GRHL2: variants seen among roughly 807,000 people sequenced by gnomAD.
GRHL2 encodes the protein grainyhead-like protein 2 homolog.
In GRHL2, 21 loss-of-function variants were observed where a neutral mutation model predicts 83.8. The ratio of observed to expected loss-of-function variants is 0.25; its 90% CI spans 0.18 to 0.36. The LOEUF is 0.36. Ranked by LOEUF, GRHL2 falls within the 10% of genes least tolerant of loss-of-function variation. GRHL2 has a pLI of 1.00. For missense variants in GRHL2, 623 were observed against 781.8 expected (o/e 0.80, Z 2.42); for synonymous variants, 280 against 278.9 (o/e 1.00, Z -0.04).
At chr8:101,662,109 AT>A (rs745623671) in intron 14 of GRHL2, among the ~76,000 whole-genome samples, 23 of 152,188 alleles carry the variant, frequency 1.5e-4, no homozygotes, top group Non-Finnish European at 3.1e-4. Flanking sequence ...GTATATCAGA[AT>A]TTTGCATGCG....
At chr8:101,655,746 A>G (rs1813771961) in intron 14 of GRHL2, among the ~76,000 whole-genome samples, 1 of 152,222 alleles carries the variant, frequency 6.6e-6, no homozygotes. Flanking sequence ...TGATGATTCA[A>G]TTTGGCTTCT....
At chr8:101,516,696 C>T (rs373809177) in intron 1 of GRHL2, among the ~76,000 whole-genome samples, 7 of 152,146 alleles carry the variant, frequency 4.6e-5, no homozygotes, top group South Asian at 4.1e-4. Context: ...CATGAGCCAC[C>T]GCACCCGGAC....
intron 14 of GRHL2, among the ~76,000 whole-genome samples, chr8:101,653,634 T>TAA (rs886610080): frequency 3.9e-4 from 59 of 151,854 alleles, no homozygotes; most frequent in African/African-American, 1.4e-3. Flanking sequence ...CCCAGCCACT[T>TAA]AAGAGGCTGG....
chr8:101,563,111 A>C (rs140096605), intron 4 of GRHL2, among the ~76,000 whole-genome samples: 1 of 152,214 alleles, frequency 6.6e-6, no homozygotes, highest in Non-Finnish European at 1.5e-5. Flanking sequence ...TATTATTGTC[A>C]TCTCTATATT....
chr8:101,499,682 T>C (rs1456403663), intron 1 of GRHL2, among the ~76,000 whole-genome samples: 1 of 152,214 alleles, frequency 6.6e-6, no homozygotes, highest in African/African-American at 2.4e-5. Context: ...AAGAAAAGCC[T>C]TACCCTAAGT....
chr8:101,624,951 A>C (rs1813052299), intron 9 of GRHL2, among the ~76,000 whole-genome samples: 1 of 152,168 alleles, frequency 6.6e-6, no homozygotes, highest in Non-Finnish European at 1.5e-5. Context: ...CTGGCCATTC[A>C]AAACCTCAAC....
chr8:101,549,677 C>T (rs937640140), intron 2 of GRHL2, among the ~76,000 whole-genome samples: 1 of 152,178 alleles, frequency 6.6e-6, no homozygotes, highest in Non-Finnish European at 1.5e-5. Context: ...CTCGTCTGGC[C>T]TTTGCTCATC....
At chr8:101,513,646 C>G (rs1409748452) in intron 1 of GRHL2, among the ~76,000 whole-genome samples, 2 of 151,690 alleles carry the variant, frequency 1.3e-5, no homozygotes, top group Non-Finnish European at 2.9e-5. Flanking sequence ...AGGTGCCCGC[C>G]AACACACCCG....
intron 1 of GRHL2, among the ~76,000 whole-genome samples, chr8:101,535,076 G>T (rs1429995031): frequency 2.0e-5 from 3 of 152,188 alleles, no homozygotes; most frequent in Non-Finnish European, 1.5e-5. Context: ...CTTGTTCTAT[G>T]TGATAGGGCT....
At chr8:101,514,463 C>T (rs1186379565) in intron 1 of GRHL2, among the ~76,000 whole-genome samples, 2 of 152,198 alleles carry the variant, frequency 1.3e-5, no homozygotes, top group Non-Finnish European at 2.9e-5. Context: ...GCAAGCCCAG[C>T]CCAAGGGCTG....
chr8:101,642,298 T>A (rs1203018982), intron 12 of GRHL2, among the ~76,000 whole-genome samples: 1 of 152,254 alleles, frequency 6.6e-6, no homozygotes, highest in Non-Finnish European at 1.5e-5. Context: ...TCCAAGATGT[T>A]ATTTTAATGG....
chr8:101,554,898 G>T (rs1811460222), intron 3 of GRHL2, among the ~76,000 whole-genome samples: 1 of 151,990 alleles, frequency 6.6e-6, no homozygotes, highest in Non-Finnish European at 1.5e-5. Flanking sequence ...AAGTTCTCTG[G>T]TATTAGCTTC....
At chr8:101,584,485 G>T (rs1812122698) in intron 7 of GRHL2, among the ~76,000 whole-genome samples, 1 of 152,134 alleles carries the variant, frequency 6.6e-6, no homozygotes, top group African/African-American at 2.4e-5. Context: ...GACCTCTGTG[G>T]ATGATTCAGC....
intron 7 of GRHL2, among the ~76,000 whole-genome samples, chr8:101,592,493 T>A (rs1812307959): frequency 6.6e-6 from 1 of 152,178 alleles, no homozygotes; most frequent in Non-Finnish European, 1.5e-5. Flanking sequence ...ATTTTGGCAT[T>A]TCCATTTGCC....
intron 5 of GRHL2, 116 bp from the exon 6 acceptor site, chr8:101,573,552 C>T (rs541120929): frequency 7.8e-7 from 1 of 1,286,154 alleles, no homozygotes; most frequent in Admixed American, 1.8e-5. Flanking sequence ...TGTGTTTTGT[C>T]TCTAAAACAG....
chr8:101,515,972 G>T (rs549292003), intron 1 of GRHL2, among the ~76,000 whole-genome samples: 18 of 152,326 alleles, frequency 1.2e-4, no homozygotes, highest in African/African-American at 4.3e-4. Flanking sequence ...GGGAGCGCAG[G>T]TTGGCTCAGT....
In GRHL2 at chr8:101,577,391, G is replaced by A. The variant is rs755515233; in HGVS notation, c.892-17G>A. The A allele has an allele frequency of 9.7e-6, 15 of 1,551,342 alleles. No individual in the cohort carries two copies. The highest frequency in any genetic ancestry group is 2.2e-5 in the East Asian group (1 of 44,574). On this transcript the variant is annotated splice_polypyrimidine_tract_variant and intron_variant, in intron 6 of 15. Transcript: ENST00000646743. Reference sequence around the variant, plus strand: ...GCACTGAACAAAAAGTAAGCTCCACGATTCTCCCCTCTGCAGAGTGTGGTG... The same window carrying A: ...GCACTGAACAAAAAGTAAGCTCCACAATTCTCCCCTCTGCAGAGTGTGGTG...
At chr8:101,603,161 T>G (rs1812553830) in intron 8 of GRHL2, among the ~76,000 whole-genome samples, 2 of 151,890 alleles carry the variant, frequency 1.3e-5, no homozygotes, top group African/African-American at 4.8e-5. Context: ...AAGAATGAGG[T>G]TTTTTTTGCA....
At chr8:101,509,157 C>CTTTCTTTCTTTTTCTTTCTTTCTTTTCT in intron 1 of GRHL2, among the ~76,000 whole-genome samples, 2 of 27,400 alleles carry the variant, frequency 7.3e-5, no homozygotes, top group Admixed American at 3.6e-4. Flanking sequence ...TTCCTTCCTT[C>CTTTCTTTCTTTTTCTTTCTTTCTTTTCT]CTTTCTTTCT....
Sources: gnomAD v4.1 joint callset for allele counts (sites outside exome capture counted in the v4.1 genomes callset) on GRCh38, gnomAD v4.1.1 for gene constraint, MANE v1.5 for transcripts, NCBI Gene and HGNC (gene_info 2026-07-23, HGNC 2026-07-21) for gene names.